The following NAV1 variants were observed in gnomAD, a reference collection of about 807,000 sequenced individuals.
The protein encoded by NAV1 is neuron navigator 1, also known as pore membrane and/or filament interacting like protein 3.
Under a neutral mutation model 175.2 loss-of-function variants are expected in NAV1, and 18 were observed. That is an observed-to-expected ratio of 0.10 (90% CI 0.07 to 0.15). The LOEUF is 0.15. Ranked by LOEUF, NAV1 falls within the 10% of genes least tolerant of loss-of-function variation. The pLI is 1.00. For synonymous variants in NAV1, 897 were observed against 978.7 expected, an observed-to-expected ratio of 0.92 and a Z score of 1.56; for missense variants, 1,731 against 2,436.6, an observed-to-expected ratio of 0.71 and a Z score of 6.10.
exon 30 of NAV1, chr1:201,823,522 C>T (rs372526106): frequency 2.0e-5 from 3 of 152,254 alleles, no homozygotes; most frequent in African/African-American, 7.2e-5. Flanking sequence ...TGTGTCAATC[C>T]TTAAGTACCC....
chr1:201,569,055 G>T (rs576899163), intron 1 of NAV1, among the ~76,000 whole-genome samples: 14 of 152,160 alleles, frequency 9.2e-5, no homozygotes, highest in African/African-American at 3.1e-4. Context: ...AGGGAGAAGC[G>T]TGTTTCCTTC....
intron 3 of NAV1, among the ~76,000 whole-genome samples, chr1:201,736,981 C>T (rs978841347): frequency 6.6e-6 from 1 of 151,966 alleles, no homozygotes; most frequent in Non-Finnish European, 1.5e-5. Context: ...TTGCCCATCC[C>T]CCACCCTCCA....
intron 3 of NAV1, among the ~76,000 whole-genome samples, chr1:201,763,871 G>C (rs1374255749): frequency 6.6e-6 from 1 of 152,172 alleles, no homozygotes; most frequent in East Asian, 1.9e-4. Context: ...TATCCAAGCT[G>C]TTTGCAGGGC....
At chr1:201,786,350 T>C in intron 8 of NAV1, 79 bp from the exon 13 acceptor site, 1 of 1,436,896 alleles carries the variant, frequency 7.0e-7, no homozygotes, top group Non-Finnish European at 9.5e-7. Context: ...TCCAGCCTAG[T>C]TCAGACACCC....
At chr1:201,739,708 C>A (rs1673278945) in intron 3 of NAV1, 11 of 1,035,068 alleles carry the variant, frequency 1.1e-5, no homozygotes, top group Non-Finnish European at 1.2e-5. Flanking sequence ...GCCACCGGAA[C>A]GGAGGAGGCT....
At chr1:201,630,761 C>G (rs1003327668) in intron 2 of NAV1, among the ~76,000 whole-genome samples, 1 of 152,220 alleles carries the variant, frequency 6.6e-6, no homozygotes, top group Non-Finnish European at 1.5e-5. Flanking sequence ...CCAAATTTCT[C>G]TGGCACCGAA....
chr1:201,782,276 T>G lies in NAV1; in HGVS notation c.1764T>G (p.Asp588Glu). The G allele has an allele frequency of 6.2e-7, 1 of 1,614,212 alleles. No individual in the cohort carries two copies. Among genetic ancestry groups the G allele is most frequent in the Non-Finnish European group, 8.5e-7 (1 of 1,180,038 alleles). Reference sequence around the variant, plus strand: ...ATGCTGGTCGGGACCGCCTGAGTGATGCTAAGAAGCCCCCCTCGGGCATTG... The same window carrying G: ...ATGCTGGTCGGGACCGCCTGAGTGAGGCTAAGAAGCCCCCCTCGGGCATTG... The change falls in exon 6 of 30, where the codon GAT (aspartate) becomes GAG (glutamate). Residue 588 changes from aspartate to glutamate, a missense_variant. Asp to Glu is a conservative substitution (Grantham distance 45). Coordinates refer to ENST00000367296, the Ensembl canonical transcript of NAV1. This position sits in a 1 kb window ranked among gnomAD's most constrained non-coding sequence, Gnocchi z 5.4.
intron 2 of NAV1, among the ~76,000 whole-genome samples, chr1:201,607,549 T>G (rs1281107456): frequency 6.6e-6 from 1 of 152,190 alleles, no homozygotes; most frequent in Non-Finnish European, 1.5e-5. Flanking sequence ...TGGAGTTCAG[T>G]GGCACGATCT....
chr1:201,645,201 C>T (rs1460994310), upstream of NAV1, among the ~76,000 whole-genome samples: 2 of 151,964 alleles, frequency 1.3e-5, no homozygotes, highest in Non-Finnish European at 2.9e-5. Context: ...CACATATACA[C>T]CATGGAATAC....
intron 3 of NAV1, among the ~76,000 whole-genome samples, chr1:201,726,125 T>C (rs566633863): frequency 2.6e-5 from 4 of 152,350 alleles, no homozygotes; most frequent in Admixed American, 2.0e-4. Context: ...TAGCCTTGGC[T>C]GATGCTTCTT....
At chr1:201,801,744 T>TA (rs1364848780) in intron 15 of NAV1, among the ~76,000 whole-genome samples, 5 of 152,200 alleles carry the variant, frequency 3.3e-5, no homozygotes, top group Non-Finnish European at 7.3e-5. Context: ...ATAATTATTT[T>TA]AAAATAAAAA....
intron 1 of NAV1, among the ~76,000 whole-genome samples, chr1:201,655,074 A>AT (rs532067700): frequency 1.1e-3 from 167 of 151,514 alleles, no homozygotes; most frequent in Non-Finnish European, 1.8e-3. Context: ...TTTTTCTTCC[A>AT]TTTCTCTTCT....
intron 28 of NAV1, chr1:201,816,855 G>T: frequency 5.9e-6 from 3 of 505,338 alleles, no homozygotes; most frequent in Non-Finnish European, 7.0e-6. Flanking sequence ...TTTCTTTTTA[G>T]TAGAAACAGG....
At chr1:201,595,073 G>A (rs193199979) in intron 2 of NAV1, among the ~76,000 whole-genome samples, 2 of 152,334 alleles carry the variant, frequency 1.3e-5, no homozygotes, top group East Asian at 3.9e-4. Flanking sequence ...CACGCCTGAG[G>A]ACTGTATCCA....
At position 201,610,811 on chromosome 1, in the gene NAV1, C is replaced by T. The variant is rs632444; in HGVS notation, c.-32-12042C>T. Among the ~76,000 whole-genome samples the T allele has an allele frequency of 2.6e-3, 400 of 152,276 alleles. 2 individuals carry two copies. Among genetic ancestry groups the T allele is most frequent in the African/African-American group, 8.9e-3 (371 of 41,536 alleles). Reference sequence around the variant, plus strand: ...TAACTATAAATAACAGGAAGCTTAACGATCTGATCTTACCTGAAAGTAACA... The same window carrying T: ...TAACTATAAATAACAGGAAGCTTAATGATCTGATCTTACCTGAAAGTAACA... On this transcript the variant is annotated intron_variant, in intron 2 of 33. Coordinates refer to the NAV1 transcript ENST00000685211.
chr1:201,669,591 G>A lies in NAV1; in HGVS notation c.757+20166G>A, dbSNP rs558091702. On this transcript the variant is annotated intron_variant, in intron 1 of 29. Coordinates refer to ENST00000367296, the Ensembl canonical transcript of NAV1. ...GAAAGACAAGAAAGCTTTTAATTGG[G>A]GAAATGACATCAGGTTTGTGTTTTT... 1.6e-3 allele frequency among the ~76,000 whole-genome samples: 245 copies of A among 152,324 alleles called. 1 individual carries two copies. The highest frequency in any genetic ancestry group is 3.2e-3 in the Non-Finnish European group (215 of 68,028).
intron 1 of NAV1, among the ~76,000 whole-genome samples, chr1:201,703,974 C>T (rs1421271218): frequency 6.6e-6 from 1 of 152,214 alleles, no homozygotes; most frequent in Non-Finnish European, 1.5e-5. Context: ...AATATTTCCC[C>T]AGGGGACTGG....
chr1:201,660,039 G>A (rs987328052), intron 1 of NAV1, among the ~76,000 whole-genome samples: 2 of 152,146 alleles, frequency 1.3e-5, no homozygotes, highest in Non-Finnish European at 2.9e-5. Flanking sequence ...ATGGGTGTAG[G>A]TACTGTCCTG....
At chr1:201,563,466 C>T (rs868783562) in intron 1 of NAV1, among the ~76,000 whole-genome samples, 14 of 151,702 alleles carry the variant, frequency 9.2e-5, no homozygotes, top group Middle Eastern at 3.2e-3. Flanking sequence ...GGGTACCCCA[C>T]ATGTCTGCTT....
Sources: allele counts gnomAD v4.1 joint callset (sites outside exome capture counted in the v4.1 genomes callset), GRCh38; gene constraint gnomAD v4.1.1; non-coding constraint Gnocchi (gnomAD v3.1); transcripts MANE v1.5; gene names NCBI Gene and HGNC (gene_info 2026-07-23, HGNC 2026-07-21).